Variants in LMNB1 observed in about 807,000 individuals in gnomAD.
LMNB1 encodes lamin B1.
A neutral mutation model predicts 67.1 loss-of-function variants in LMNB1; 23 were observed. That is an observed-to-expected ratio of 0.34 (90% CI 0.25 to 0.49). The LOEUF (loss-of-function observed/expected upper bound fraction) is 0.49. Ranked by LOEUF, LMNB1 falls within the 20% of genes least tolerant of loss-of-function variation. The pLI is 0.99. For missense variants in LMNB1, 634 were observed against 746.5 expected (o/e 0.85, Z 1.76); for synonymous variants, 281 against 282.9 (o/e 0.99, Z 0.07).
intron 1 of LMNB1, among the ~76,000 whole-genome samples, chr5:126,793,836 A>C (rs1751024604): frequency 6.6e-6 from 1 of 152,148 alleles, no homozygotes; most frequent in South Asian, 2.1e-4. Context: ...AGATTGCGCC[A>C]TTGCACTCTG....
At chr5:126,788,240 G>A (rs964955169) in intron 1 of LMNB1, among the ~76,000 whole-genome samples, 2 of 152,138 alleles carry the variant, frequency 1.3e-5, no homozygotes, top group African/African-American at 4.8e-5. Context: ...CGGACTTTAG[G>A]TAGCAATGTT....
intron 1 of LMNB1, among the ~76,000 whole-genome samples, chr5:126,787,546 A>ATATATATATATATATTTT: frequency 1.5e-4 from 10 of 65,568 alleles, no homozygotes; most frequent in African/African-American, 6.6e-4. Flanking sequence ...ATATATATAT[A>ATATATATATATATATTTT]TTTTTTTTTT....
chr5:126,790,209 G>C (rs1477901264), intron 1 of LMNB1, among the ~76,000 whole-genome samples: 1 of 152,130 alleles, frequency 6.6e-6, no homozygotes, highest in Non-Finnish European at 1.5e-5. Context: ...ACGTTCAAGT[G>C]ATTCTTGTGC....
chr5:126,809,753 A>G (rs907071905), intron 3 of LMNB1, among the ~76,000 whole-genome samples: 8 of 152,254 alleles, frequency 5.3e-5, no homozygotes, highest in Non-Finnish European at 1.0e-4. Flanking sequence ...ATTTATCACA[A>G]CTGTTAAGTT....
intron 1 of LMNB1, among the ~76,000 whole-genome samples, chr5:126,799,550 T>C (rs1751210740): frequency 6.6e-6 from 1 of 152,214 alleles, no homozygotes; most frequent in African/African-American, 2.4e-5. Flanking sequence ...CTAAGTGTGG[T>C]GACATGGCCT....
chr5:126,785,612 G>A (rs1401280934), intron 1 of LMNB1, among the ~76,000 whole-genome samples: 3 of 151,688 alleles, frequency 2.0e-5, no homozygotes, highest in Non-Finnish European at 4.4e-5. Context: ...TGTGAGCCAC[G>A]GTGCCAGGCC....
chr5:126,807,852 A>G (rs1013719946), intron 3 of LMNB1, among the ~76,000 whole-genome samples: 1 of 53,956 alleles, frequency 1.9e-5, no homozygotes, highest in Non-Finnish European at 4.9e-5. Flanking sequence ...AGTCCTCTTC[A>G]GTTTTGTTTT....
At position 126,777,356 on chromosome 5, in the gene LMNB1, C is replaced by T. The variant is rs1202402312; in HGVS notation, c.-153C>T. ...TGTGCTGTAATCGAGCTCCCGCCAT[C>T]CCAGGTGCTTCTCCGTTCCTCTAAA... On this transcript the variant is annotated 5_prime_UTR_variant, in exon 1 of 11. Coordinates refer to ENST00000261366, the MANE Select transcript of LMNB1 (RefSeq NM_005573.4). 8.1e-6 allele frequency: 7 copies of T among 864,856 alleles called. No individual in the cohort carries two copies. The African/African-American group carries it at 1.2e-4, about 15-fold the overall frequency. 53.6% of individuals were successfully genotyped at this position (864,856 alleles called of 1,614,324 possible).
chr5:126,800,982 A>ATATAATTTTTTT lies in LMNB1; in HGVS notation c.360-3793_360-3792insATAATTTTTTTT. ...ATATATATATATATATATATATATAATTTTTTTTTTTTTTTTTTGGTGGTA... is the reference window on the plus strand; with the variant it reads ...ATATATATATATATATATATATATAATATAATTTTTTTTTTTTTTTTTTTTTTTTTGGTGGTA... On this transcript the variant is annotated intron_variant, in intron 1 of 10. Coordinates refer to ENST00000261366, the MANE Select transcript of LMNB1 (RefSeq NM_005573.4). Among the ~76,000 whole-genome samples, 45 of 18,616 alleles carry ATATAATTTTTTT rather than the reference A, an allele frequency of 2.4e-3. 1 individual carries two copies. The highest frequency in any genetic ancestry group is 3.0e-3 in the African/African-American group (18 of 5,926). The allele number at this position is 18,616 out of a possible 152,430, so 12.2% of individuals were successfully genotyped here. A position where few individuals can be genotyped will look rare whatever the true frequency, so the allele number is the denominator to read the frequency against.
intron 1 of LMNB1, among the ~76,000 whole-genome samples, chr5:126,786,085 T>G (rs1750772595): frequency 6.7e-6 from 1 of 150,004 alleles, no homozygotes; most frequent in African/African-American, 2.4e-5. Flanking sequence ...TTGCCAGGCA[T>G]TACAGTAGAT....
At chr5:126,779,964 G>A (rs1402670309) in intron 1 of LMNB1, among the ~76,000 whole-genome samples, 6 of 151,484 alleles carry the variant, frequency 4.0e-5, no homozygotes, top group Non-Finnish European at 7.4e-5. Context: ...CCCAGGAGGC[G>A]GATATTGCAG....
intron 1 of LMNB1, among the ~76,000 whole-genome samples, chr5:126,779,092 T>G (rs959798119): frequency 1.3e-5 from 2 of 152,194 alleles, no homozygotes; most frequent in Non-Finnish European, 1.5e-5. Context: ...TTTGACACCC[T>G]TTGCCCCTGG....
chr5:126,802,372 GTTTATT>G, intron 1 of LMNB1, among the ~76,000 whole-genome samples: 1 of 152,102 alleles, frequency 6.6e-6, no homozygotes, highest in Non-Finnish European at 1.5e-5. Flanking sequence ...TACTTTTTTA[GTTTATT>G]TTTAAGATCC....
chr5:126,832,398 C>T (rs1752156931), intron 9 of LMNB1, among the ~76,000 whole-genome samples: 1 of 151,866 alleles, frequency 6.6e-6, no homozygotes, highest in Admixed American at 6.6e-5. Flanking sequence ...AACCTCAATG[C>T]AAGCCATTCT....
chr5:126,831,863 C>A (rs764800197), intron 9 of LMNB1, among the ~76,000 whole-genome samples: 1 of 152,212 alleles, frequency 6.6e-6, no homozygotes, highest in Admixed American at 6.5e-5. Flanking sequence ...ACTTCCTCCC[C>A]TGCAGGAAAT....
chr5:126,808,068 C>T (rs1163990145), intron 3 of LMNB1, among the ~76,000 whole-genome samples: 3 of 152,124 alleles, frequency 2.0e-5, no homozygotes, highest in Non-Finnish European at 2.9e-5. Context: ...GACAGGGTTT[C>T]ACCACATTGG....
At position 126,805,455 on chromosome 5, in the gene LMNB1, A is replaced by G. The variant is rs1308235373; in HGVS notation, c.517-116A>G. 1.1e-5 allele frequency: 8 copies of G among 699,204 alleles called. No individual in the cohort carries two copies. The South Asian group carries it at 1.4e-4, about 12-fold the overall frequency. The allele number at this position is 699,204 out of a possible 1,614,324, so 43.3% of individuals were successfully genotyped here. A position where few individuals can be genotyped will look rare whatever the true frequency, so the allele number is the denominator to read the frequency against. Reference sequence around the variant, plus strand: ...AAATGTTAAGATGAAGTAATTATACATTGATAAATATATAGGAATTTTAAC... The same window carrying G: ...AAATGTTAAGATGAAGTAATTATACGTTGATAAATATATAGGAATTTTAAC... On this transcript the variant is annotated intron_variant, in intron 2 of 10. Transcript: ENST00000261366.
At chr5:126,786,186 G>A (rs1375048344) in intron 1 of LMNB1, among the ~76,000 whole-genome samples, 4 of 143,652 alleles carry the variant, frequency 2.8e-5, no homozygotes, top group Admixed American at 2.2e-4. Flanking sequence ...GCAGTGGCAC[G>A]ATCTCGGTTC....
At chr5:126,793,069 A>C (rs1214845385) in intron 1 of LMNB1, among the ~76,000 whole-genome samples, 1 of 152,168 alleles carries the variant, frequency 6.6e-6, no homozygotes, top group Non-Finnish European at 1.5e-5. Context: ...GCTACTATTC[A>C]GGACTAGGAA....
Sources: allele counts gnomAD v4.1 joint callset (sites outside exome capture counted in the v4.1 genomes callset), GRCh38; gene constraint gnomAD v4.1.1; transcripts MANE v1.5; gene names NCBI Gene and HGNC (gene_info 2026-07-23, HGNC 2026-07-21).